ASTN1: variants seen among roughly 807,000 people sequenced by gnomAD.
ASTN1 encodes the protein astrotactin 1, also known as astrotactin-1.
In ASTN1, 41 loss-of-function variants were observed where a neutral mutation model predicts 140.7. The observed-to-expected ratio is 0.29, with a 90% CI of 0.23 to 0.38. ASTN1 has a LOEUF of 0.38. ASTN1 is among the 10% of genes least tolerant of loss of function. The pLI is 1.00. For synonymous variants in ASTN1, 640 were observed against 652.2 expected (o/e 0.98, Z 0.29); for missense variants, 1,479 against 1,678.8 (o/e 0.88, Z 2.08).
intron 20 of ASTN1, among the ~76,000 whole-genome samples, chr1:176,880,318 A>T (rs761452693): frequency 6.6e-6 from 1 of 152,034 alleles, no homozygotes; most frequent in Non-Finnish European, 1.5e-5. Context: ...CTCTTGTCTG[A>T]TACTTTCCCA....
At chr1:176,912,292 T>C (rs894607294) in intron 16 of ASTN1, among the ~76,000 whole-genome samples, 1 of 152,236 alleles carries the variant, frequency 6.6e-6, no homozygotes, top group Admixed American at 6.5e-5. Flanking sequence ...GCCTTTGTAG[T>C]GCAAACACAG....
intron 8 of ASTN1, among the ~76,000 whole-genome samples, chr1:176,968,320 G>A (rs369064390): frequency 2.0e-5 from 3 of 152,232 alleles, no homozygotes; most frequent in African/African-American, 7.2e-5. Flanking sequence ...ACTATAAGGA[G>A]TGTTTCCCAA....
At chr1:176,887,619 C>G (rs1669082446) in intron 18 of ASTN1, among the ~76,000 whole-genome samples, 1 of 152,192 alleles carries the variant, frequency 6.6e-6, no homozygotes, top group South Asian at 2.1e-4. Context: ...TGAGCAGTAT[C>G]TAACTGCTCC....
chr1:177,107,925 T>G (rs1680628767), intron 1 of ASTN1, among the ~76,000 whole-genome samples: 1 of 151,230 alleles, frequency 6.6e-6, no homozygotes, highest in Non-Finnish European at 1.5e-5. Context: ...GGGAGGATAC[T>G]TTTTTTTTAA....
intron 16 of ASTN1, among the ~76,000 whole-genome samples, chr1:176,926,537 A>G (rs1003422392): frequency 6.6e-6 from 1 of 152,222 alleles, no homozygotes; most frequent in African/African-American, 2.4e-5. Flanking sequence ...AATGTTGTGG[A>G]ACAGCTGCCT....
chr1:176,904,342 C>G (rs142871905), intron 16 of ASTN1, among the ~76,000 whole-genome samples: 189 of 152,226 alleles, frequency 1.2e-3, no homozygotes, highest in Non-Finnish European at 2.2e-3. Flanking sequence ...CGAGCAGCAG[C>G]TGTGTGCAGC....
At chr1:176,983,088 A>G (rs1673703952) in intron 8 of ASTN1, among the ~76,000 whole-genome samples, 1 of 152,160 alleles carries the variant, frequency 6.6e-6, no homozygotes, top group Admixed American at 6.5e-5. Flanking sequence ...GTGAAATTCA[A>G]TGATCAAAGA....
intron 1 of ASTN1, among the ~76,000 whole-genome samples, chr1:177,072,368 A>G (rs937307656): frequency 6.6e-6 from 1 of 152,112 alleles, no homozygotes; most frequent in Admixed American, 6.5e-5. Flanking sequence ...TCTGCATAGT[A>G]TTTGGTTTGT....
chr1:176,984,120 G>C (rs1015059229), intron 8 of ASTN1, among the ~76,000 whole-genome samples: 1 of 152,170 alleles, frequency 6.6e-6, no homozygotes, highest in African/African-American at 2.4e-5. Flanking sequence ...ATACCTCATC[G>C]ATACCGTGAA....
chr1:177,130,898 G>C (rs1185473602), intron 1 of ASTN1, among the ~76,000 whole-genome samples: 1 of 152,214 alleles, frequency 6.6e-6, no homozygotes, highest in Non-Finnish European at 1.5e-5. Context: ...CCTTGAGAAG[G>C]AGAAAGCTTT....
chr1:177,015,006 G>T, intron 7 of ASTN1, 131 bp from the exon 8 acceptor site: 1 of 760,840 alleles, frequency 1.3e-6, no homozygotes, highest in Non-Finnish European at 2.2e-6. Flanking sequence ...GAGACAGTAA[G>T]TTCCATTATG....
At chr1:177,081,379 G>A (rs1045891372) in intron 1 of ASTN1, among the ~76,000 whole-genome samples, 1 of 152,046 alleles carries the variant, frequency 6.6e-6, no homozygotes, top group Non-Finnish European at 1.5e-5. Flanking sequence ...TATCAACATG[G>A]GCAGGGGAAA....
chr1:177,060,370 G>A (rs1051457165), intron 2 of ASTN1, among the ~76,000 whole-genome samples: 17 of 152,184 alleles, frequency 1.1e-4, no homozygotes, highest in African/African-American at 4.1e-4. Flanking sequence ...CCTCCTGGCT[G>A]GGAGAAGAGA....
chr1:177,140,859 T>G (rs1425673384), intron 1 of ASTN1, among the ~76,000 whole-genome samples: 3 of 152,224 alleles, frequency 2.0e-5, no homozygotes, highest in African/African-American at 7.2e-5. Flanking sequence ...TCTCTCACTT[T>G]CTTAGCTGTG....
At chr1:177,147,028 A>C (rs1445867419) in intron 1 of ASTN1, among the ~76,000 whole-genome samples, 2 of 151,984 alleles carry the variant, frequency 1.3e-5, no homozygotes, top group African/African-American at 2.4e-5. Context: ...CTTAAATGAA[A>C]CTGGATTTTT....
At chr1:177,044,485 G>A (rs1009650084) in intron 2 of ASTN1, among the ~76,000 whole-genome samples, 9 of 152,108 alleles carry the variant, frequency 5.9e-5, no homozygotes, top group Admixed American at 1.3e-4. Context: ...GGTTACTCCC[G>A]CCAGGACCTC....
chr1:176,980,038 C>T (rs1330361620), intron 8 of ASTN1, among the ~76,000 whole-genome samples: 2 of 151,978 alleles, frequency 1.3e-5, no homozygotes, highest in South Asian at 2.1e-4. Context: ...CCATGTGGAG[C>T]GTTAAAGGGT....
intron 1 of ASTN1, among the ~76,000 whole-genome samples, chr1:177,074,839 C>A (rs371092829): frequency 2.0e-5 from 3 of 152,138 alleles, no homozygotes; most frequent in Non-Finnish European, 2.9e-5. Context: ...AGGTAACATG[C>A]TTGTTGAAAT....
intron 8 of ASTN1, among the ~76,000 whole-genome samples, chr1:176,973,320 C>T (rs1673221930): frequency 6.6e-6 from 1 of 152,128 alleles, no homozygotes; most frequent in Non-Finnish European, 1.5e-5. Context: ...TATGTTCTTC[C>T]TTCTTTCTTC....
Sources: allele counts gnomAD v4.1 joint callset (sites outside exome capture counted in the v4.1 genomes callset), GRCh38; gene constraint gnomAD v4.1.1; transcripts MANE v1.5; gene names NCBI Gene and HGNC (gene_info 2026-07-23, HGNC 2026-07-21).